The following EPHA6 variants were observed in gnomAD, a reference collection of about 807,000 sequenced individuals.
The protein encoded by EPHA6 is ephrin type-A receptor 6.
A neutral mutation model predicts 112.0 loss-of-function variants in EPHA6; 50 were observed. That is an observed-to-expected ratio of 0.45 (90% CI 0.36 to 0.56). The LOEUF (loss-of-function observed/expected upper bound fraction) is 0.56, where lower values mean the gene tolerates loss of function less well. Among genes scored for constraint, EPHA6 ranks in the 20% least tolerant of loss-of-function variants. EPHA6 has a pLI of 0.00. For missense variants in EPHA6, 1,280 were observed against 1,417.4 expected (o/e 0.90, Z 1.56); for synonymous variants, 529 against 490.7 (o/e 1.08, Z -1.03).
rs554066849 is a variant in EPHA6 at position 97,589,147 on chromosome 3, T to C, written c.2387-3465T>C. ...AAAATATTATGAGGTTGTATTGCGATTTTTTCTTTTCTTCTCTTTTTTTTT... is the reference window on the plus strand; with the variant it reads ...AAAATATTATGAGGTTGTATTGCGACTTTTTCTTTTCTTCTCTTTTTTTTT... On this transcript the variant is annotated intron_variant, in intron 11 of 17. Transcript: ENST00000389672. 4.0e-5 allele frequency among the ~76,000 whole-genome samples: 6 copies of C among 151,854 alleles called. No homozygotes were observed. In the East Asian group the frequency reaches 9.7e-4, roughly 24 times the overall value.
At chr3:97,510,266 T>C (rs2092339262) in intron 10 of EPHA6, among the ~76,000 whole-genome samples, 1 of 152,232 alleles carries the variant, frequency 6.6e-6, no homozygotes, top group Non-Finnish European at 1.5e-5. Context: ...AGGAGAATTC[T>C]CACTCTAGTT....
Position 97,581,638 on chromosome 3 carries a change from A to C in EPHA6, c.2387-10974A>C, listed in dbSNP as rs192988302. ...TTTGTATAATTGTCCTCATAACATC[A>C]AATTTCCCACACATTACCAAAATGA... is the stretch of plus-strand genomic sequence containing the variant. On this transcript the variant is annotated intron_variant, in intron 11 of 17. Transcript: ENST00000389672. Among the ~76,000 whole-genome samples the C allele has an allele frequency of 4.1e-4, 63 of 152,382 alleles. 1 individual carries two copies. Among genetic ancestry groups the C allele is most frequent in the South Asian group, 1.7e-3 (8 of 4,832 alleles).
At chr3:97,254,930 A>C (rs1213624090) in intron 5 of EPHA6, among the ~76,000 whole-genome samples, 1 of 152,200 alleles carries the variant, frequency 6.6e-6, no homozygotes, top group Non-Finnish European at 1.5e-5. Context: ...CTTTGTAGAC[A>C]GGAACACCAT....
chr3:97,536,972 G>A (rs1166623852), intron 11 of EPHA6, among the ~76,000 whole-genome samples: 1 of 152,052 alleles, frequency 6.6e-6, no homozygotes, highest in Non-Finnish European at 1.5e-5. Context: ...ATGAGATGTT[G>A]GTGAGGTTTA....
chr3:97,531,500 C>T (rs2092694656), intron 10 of EPHA6, among the ~76,000 whole-genome samples: 1 of 152,002 alleles, frequency 6.6e-6, no homozygotes, highest in Admixed American at 6.6e-5. Flanking sequence ...TCCTGCTCAT[C>T]TCTCAAGGTC....
chr3:97,319,929 A>C (rs976664524), intron 5 of EPHA6, among the ~76,000 whole-genome samples: 1 of 152,054 alleles, frequency 6.6e-6, no homozygotes, highest in Non-Finnish European at 1.5e-5. Context: ...ACAAGCAGTT[A>C]GTTATCTGAA....
chr3:97,456,587 T>C (rs1304881294), intron 7 of EPHA6, among the ~76,000 whole-genome samples: 6 of 152,126 alleles, frequency 3.9e-5, no homozygotes, highest in Non-Finnish European at 2.9e-5. Context: ...TACTTATATA[T>C]TTTTAGTATT....
intron 3 of EPHA6, among the ~76,000 whole-genome samples, chr3:97,089,628 C>G (rs1257802190): frequency 2.0e-5 from 3 of 152,154 alleles, no homozygotes; most frequent in Non-Finnish European, 4.4e-5. Flanking sequence ...TCAAAACGAT[C>G]TATGCCTGTT....
chr3:97,445,306 C>A (rs2090301196), intron 6 of EPHA6, among the ~76,000 whole-genome samples: 1 of 152,092 alleles, frequency 6.6e-6, no homozygotes, highest in South Asian at 2.1e-4. Context: ...CAATGAGCAT[C>A]CACTGCACTA....
chr3:97,454,585 G>A (rs773337952), intron 7 of EPHA6, among the ~76,000 whole-genome samples: 8 of 151,776 alleles, frequency 5.3e-5, no homozygotes, highest in Non-Finnish European at 7.4e-5. Context: ...CTTGAGTCAT[G>A]TAAAAACATA....
intron 1 of EPHA6, among the ~76,000 whole-genome samples, chr3:96,850,826 T>G (rs2035336954): frequency 6.6e-6 from 1 of 152,096 alleles, no homozygotes; most frequent in Non-Finnish European, 1.5e-5. Flanking sequence ...CAGATTTCAT[T>G]GGAAGATGGG....
intron 14 of EPHA6, among the ~76,000 whole-genome samples, chr3:97,700,911 G>C (rs892733965): frequency 6.6e-6 from 1 of 152,086 alleles, no homozygotes; most frequent in Non-Finnish European, 1.5e-5. Context: ...ACACAGCAGG[G>C]AAAAGAATGG....
chr3:97,355,153 C>G (rs907418559), intron 5 of EPHA6, among the ~76,000 whole-genome samples: 6 of 151,914 alleles, frequency 3.9e-5, no homozygotes, highest in Non-Finnish European at 8.8e-5. Flanking sequence ...CATTAAGAAG[C>G]AATAAGAAAT....
At chr3:97,691,551 G>A (rs2032665868) in intron 14 of EPHA6, among the ~76,000 whole-genome samples, 1 of 152,094 alleles carries the variant, frequency 6.6e-6, no homozygotes, top group Non-Finnish European at 1.5e-5. Context: ...AACGAGTGTG[G>A]TTAGGGAAAG....
At chr3:97,305,724 G>T (rs1039085895) in intron 5 of EPHA6, among the ~76,000 whole-genome samples, 4 of 151,836 alleles carry the variant, frequency 2.6e-5, no homozygotes, top group African/African-American at 9.7e-5. Flanking sequence ...CAGTGGGGAT[G>T]GGGGGAGCGA....
chr3:97,487,812 A>G (rs1453020470), intron 10 of EPHA6, among the ~76,000 whole-genome samples: 1 of 152,204 alleles, frequency 6.6e-6, no homozygotes, highest in Non-Finnish European at 1.5e-5. Context: ...GGAGACTATC[A>G]AGATCATCTA....
At chr3:97,213,091 CAA>C (rs967163657) in intron 3 of EPHA6, among the ~76,000 whole-genome samples, 1 of 152,090 alleles carries the variant, frequency 6.6e-6, no homozygotes, top group Admixed American at 6.6e-5. Flanking sequence ...GGAGTAAGCC[CAA>C]GAGTTCATAA....
intron 3 of EPHA6, among the ~76,000 whole-genome samples, chr3:97,142,131 C>T (rs777707513): frequency 5.9e-5 from 9 of 151,874 alleles, no homozygotes; most frequent in East Asian, 1.9e-4. Context: ...CATTCCTTTC[C>T]GTGATGTTAA....
At chr3:96,915,346 T>G (rs945465808) in intron 2 of EPHA6, among the ~76,000 whole-genome samples, 1 of 152,094 alleles carries the variant, frequency 6.6e-6, no homozygotes, top group African/African-American at 2.4e-5. Context: ...TAGGCTATTT[T>G]TCTATACCTA....
Sources: allele counts gnomAD v4.1 joint callset (sites outside exome capture counted in the v4.1 genomes callset), GRCh38; gene constraint gnomAD v4.1.1; transcripts MANE v1.5; gene names NCBI Gene and HGNC (gene_info 2026-07-23, HGNC 2026-07-21).